The following SLC39A11 variants were observed in gnomAD, a reference collection of about 807,000 sequenced individuals.
The protein encoded by SLC39A11 is solute carrier family 39 member 11.
Under a neutral mutation model 36.1 loss-of-function variants are expected in SLC39A11, and 33 were observed. The ratio of observed to expected loss-of-function variants is 0.91; its 90% CI spans 0.69 to 1.22. SLC39A11 has a LOEUF of 1.22. Among genes scored for constraint, SLC39A11 ranks in the 50% most tolerant of loss-of-function variants. The pLI is 0.00. For synonymous variants in SLC39A11, 166 were observed against 170.3 expected (o/e 0.97, Z 0.20); for missense variants, 432 against 430.3 (o/e 1.00, Z -0.03).
chr17:72,676,837 G>A (rs182381972), intron 7 of SLC39A11, among the ~76,000 whole-genome samples: 2 of 152,254 alleles, frequency 1.3e-5, no homozygotes, highest in East Asian at 1.9e-4. Flanking sequence ...ACTGGTTCTC[G>A]AATGAGCTTC....
intron 4 of SLC39A11, among the ~76,000 whole-genome samples, chr17:73,025,705 G>A (rs1424068016): frequency 6.6e-6 from 1 of 152,204 alleles, no homozygotes; most frequent in Non-Finnish European, 1.5e-5. Flanking sequence ...TCGAAATGGA[G>A]TCAGGGTTCC....
chr17:73,023,624 G>C (rs2058432510), intron 4 of SLC39A11, among the ~76,000 whole-genome samples: 1 of 152,140 alleles, frequency 6.6e-6, no homozygotes, highest in African/African-American at 2.4e-5. Context: ...CAAGTAGCTG[G>C]GACTACAGGT....
rs142379074 is a variant in SLC39A11, at chr17:72,795,526, C to T, written c.601+54108G>A. On this transcript the variant is annotated intron_variant, in intron 6 of 9. Transcript: ENST00000255559. Reference sequence around the variant, plus strand: ...CTTCACTTGACCTCAACTCTAAGGTCGCACACCATCACTTTTGCTTTTTCC... The same window carrying T: ...CTTCACTTGACCTCAACTCTAAGGTTGCACACCATCACTTTTGCTTTTTCC... Among the ~76,000 whole-genome samples, 33 of 152,226 alleles carry T rather than the reference C, an allele frequency of 2.2e-4. No homozygotes were observed. The East Asian group carries it at 4.0e-3, about 19-fold the overall frequency.
rs112694609 is a variant in SLC39A11, at chr17:72,672,258, G to C, written c.672-22990C>G. ...CAGGCCAGGAGTTCGAGACCAACCT[G>C]GCCAACACAGTGAAACCTTGACTCT... On this transcript the variant is annotated intron_variant, in intron 7 of 9. Transcript: ENST00000255559. Among the ~76,000 whole-genome samples, 974 of 152,250 alleles carry C rather than the reference G, an allele frequency of 6.4e-3. 10 individuals are homozygous for C. Among genetic ancestry groups the C allele is most frequent in the African/African-American group, 0.023 (939 of 41,538 alleles).
chr17:72,811,763 C>A (rs762283668), intron 6 of SLC39A11, among the ~76,000 whole-genome samples: 3 of 152,176 alleles, frequency 2.0e-5, no homozygotes, highest in Non-Finnish European at 2.9e-5. Context: ...CAAAAATATT[C>A]TCTTTCCTCC....
At chr17:72,855,250 A>G (rs933752997) in intron 5 of SLC39A11, among the ~76,000 whole-genome samples, 2 of 152,228 alleles carry the variant, frequency 1.3e-5, no homozygotes, top group Admixed American at 1.3e-4. Context: ...CTCCGTTTTC[A>G]TAGCCCACGG....
intron 7 of SLC39A11, among the ~76,000 whole-genome samples, chr17:72,707,600 G>A (rs2072945473): frequency 6.6e-6 from 1 of 152,166 alleles, no homozygotes; most frequent in Non-Finnish European, 1.5e-5. Context: ...GAACTCCTGT[G>A]TCATCAAGCA....
At chr17:72,804,207 A>G (rs982377257) in intron 6 of SLC39A11, among the ~76,000 whole-genome samples, 12 of 152,196 alleles carry the variant, frequency 7.9e-5, no homozygotes, top group Admixed American at 7.9e-4. Context: ...CATGTTAGCC[A>G]GGATGTAAAC....
intron 4 of SLC39A11, chr17:72,992,912 C>G (rs1358827366): frequency 2.0e-5 from 3 of 152,264 alleles, no homozygotes; most frequent in African/African-American, 7.2e-5. Flanking sequence ...GCTGGGGAGG[C>G]CTCACAGTCA....
At chr17:73,001,558 T>TATA (rs550557312) in intron 4 of SLC39A11, among the ~76,000 whole-genome samples, 2 of 149,972 alleles carry the variant, frequency 1.3e-5, no homozygotes, top group Non-Finnish European at 3.0e-5. Flanking sequence ...AAACTTAAAG[T>TATA]ATAATAATAA....
intron 6 of SLC39A11, among the ~76,000 whole-genome samples, chr17:72,754,681 G>T (rs1598588339): frequency 1.3e-5 from 2 of 152,320 alleles, no homozygotes; most frequent in South Asian, 4.1e-4. Flanking sequence ...CAGCCGGGGT[G>T]ACACATGCCA....
chr17:73,025,959 A>AAT lies in SLC39A11; in HGVS notation c.306+5596_306+5597insAT, dbSNP rs1192434700. Among the ~76,000 whole-genome samples the AAT allele has an allele frequency of 2.8e-3, 426 of 152,118 alleles. 2 individuals carry two copies. The highest frequency in any genetic ancestry group is 9.8e-3 in the African/African-American group (407 of 41,496). On this transcript the variant is annotated intron_variant, in intron 4 of 9. Transcript: ENST00000255559. ...ATGCTGAAACTCCGTCTCCACTAAA[A>AAT]ACACAAAAATTAGCCAGGTGCGGTG...
intron 7 of SLC39A11, among the ~76,000 whole-genome samples, chr17:72,671,730 T>A (rs894212197): frequency 4.7e-5 from 7 of 147,908 alleles, no homozygotes; most frequent in Non-Finnish European, 3.0e-5. Context: ...AAAAAAAAAA[T>A]AGCTATATTT....
Position 73,088,665 on chromosome 17 carries a change from TA to T in SLC39A11, c.99del (p.Ser34ValfsTer7). On this transcript the variant is annotated frameshift_variant, in exon 2 of 10. Transcript: ENST00000255559. LOFTEE classifies it high-confidence loss of function. ...AAGAALVFVF[S>X]SGQRRILDGS... ...AAAGCAAGGCAACTCACCTGTCCAC[TA>T]GAGAATACGAACACGAGAGCTGCCC... The T allele has an allele frequency of 6.2e-7, 1 of 1,611,784 alleles. No individual in the cohort carries two copies. The highest frequency in any genetic ancestry group is 1.7e-5 in the Admixed American group (1 of 59,776).
chr17:72,966,153 G>A (rs2086957310), intron 4 of SLC39A11, among the ~76,000 whole-genome samples: 1 of 152,226 alleles, frequency 6.6e-6, no homozygotes, highest in South Asian at 2.1e-4. Context: ...GGCATCCAAG[G>A]GAGGCGCAGG....
At chr17:73,017,281 A>G (rs1242048278) in intron 4 of SLC39A11, among the ~76,000 whole-genome samples, 2 of 152,224 alleles carry the variant, frequency 1.3e-5, no homozygotes, top group Non-Finnish European at 2.9e-5. Context: ...AGACAATAAT[A>G]GACTATGCAG....
At chr17:72,911,602 G>C (rs67257465) in intron 5 of SLC39A11, among the ~76,000 whole-genome samples, 73,553 of 151,608 alleles carry the variant, frequency 0.49, 17,859 homozygotes, top group Non-Finnish European at 0.52. Context: ...CTTCCTAGGA[G>C]AGGCAGTCTG....
chr17:72,848,556 C>T (rs548858318), intron 6 of SLC39A11, among the ~76,000 whole-genome samples: 1 of 151,968 alleles, frequency 6.6e-6, no homozygotes, highest in East Asian at 1.9e-4. Context: ...CCCATCTCTA[C>T]TAAAAATACA....
At chr17:72,974,997 G>A (rs988912076) in intron 4 of SLC39A11, among the ~76,000 whole-genome samples, 34 of 152,304 alleles carry the variant, frequency 2.2e-4, no homozygotes, top group African/African-American at 7.9e-4. Flanking sequence ...TGTGCAGTAG[G>A]CTATCCCATC....
Sources: allele counts gnomAD v4.1 joint callset (sites outside exome capture counted in the v4.1 genomes callset), GRCh38; gene constraint gnomAD v4.1.1; transcripts MANE v1.5; gene names NCBI Gene and HGNC (gene_info 2026-07-23, HGNC 2026-07-21).